Variants in CDKL5 observed in about 807,000 individuals in gnomAD.
The protein encoded by CDKL5 is cyclin-dependent kinase-like 5.
Under a neutral mutation model 61.7 loss-of-function variants are expected in CDKL5, and 8 were observed. That is an observed-to-expected ratio of 0.13 (90% confidence interval 0.08 to 0.23). CDKL5 has a LOEUF of 0.23. Ranked by LOEUF, CDKL5 falls within the 10% of genes least tolerant of loss-of-function variation. The pLI, the probability that CDKL5 is intolerant of heterozygous loss-of-function variation, is 1.00. For missense variants in CDKL5, 440 were observed against 734.5 expected (o/e 0.60, Z 4.63); for synonymous variants, 275 against 272.3 (o/e 1.01, Z -0.10).
chrX:18,580,924 T>G (rs763668742), intron 6 of CDKL5, among the ~76,000 whole-genome samples: 8 of 111,685 alleles, frequency 7.2e-5, no homozygotes, highest in Non-Finnish European at 1.3e-4. Context: ...TTGACTCTCA[T>G]AGCAGTTACC....
At position 18,588,123 on chromosome X, in the gene CDKL5, C is replaced by A. The variant is rs1161142799; in HGVS notation, c.724C>A (p.Pro242Thr). ...GCAGATGAAGCTTTTCTACAGTAATCCTCGCTTCCATGGGCTCCGGGTAAG... is the reference window on the plus strand; with the variant it reads ...GCAGATGAAGCTTTTCTACAGTAATACTCGCTTCCATGGGCTCCGGGTAAG... ...SEQMKLFYSN[P>T]RFHGLRFPAV... The change falls in exon 9 of 18, where the codon CCT (proline) becomes ACT (threonine). Residue 242 changes from proline (P) to threonine (T), a missense_variant. By Grantham distance (38) the Pro-to-Thr change is conservative. This residue lies in a region of CDKL5 where 77 missense variants were observed against 218.2 expected (regional missense o/e 0.35). Coordinates refer to ENST00000623535, the MANE Select transcript of CDKL5 (RefSeq NM_001323289.2). 4.1e-6 allele frequency: 5 copies of A among 1,209,884 alleles called. No individual in the cohort carries two copies. In the Admixed American group the frequency reaches 8.7e-5, roughly 21 times the overall value.
rs1927363460 is a variant in CDKL5, at chrX:18,635,596, T to C, written c.*6839T>C. 1.3e-6 allele frequency: 1 copy of C among 751,826 alleles called. No individual in the cohort carries two copies. The highest frequency in any genetic ancestry group is 8.8e-5 in the Admixed American group (1 of 11,422). The allele number at this position is 751,826 out of a possible 1,213,427, so 62.0% of individuals were successfully genotyped here. On this transcript the variant is annotated 3_prime_UTR_variant, in exon 18 of 18. Coordinates refer to ENST00000623535, the MANE Select transcript of CDKL5 (RefSeq NM_001323289.2). ...AAATCCTGTAACTTAATGATGTTGA[T>C]CTTTGTTTTCCTATTTATAAAGCTT...
intron 11 of CDKL5, among the ~76,000 whole-genome samples, chrX:18,601,910 C>T (rs904994215): frequency 3.6e-5 from 4 of 111,485 alleles, no homozygotes; most frequent in Admixed American, 1.9e-4. Context: ...TATCTGTCTA[C>T]GATTACTATT....
At chrX:18,465,440 C>T (rs1282709972) in intron 1 of CDKL5, among the ~76,000 whole-genome samples, 1 of 111,048 alleles carries the variant, frequency 9.0e-6, no homozygotes, top group Non-Finnish European at 1.9e-5. Context: ...CCGAGGTGGG[C>T]GGATCACTTG....
chrX:18,483,409 C>T (rs1921660304), intron 1 of CDKL5, among the ~76,000 whole-genome samples: 1 of 110,798 alleles, frequency 9.0e-6, no homozygotes, highest in Non-Finnish European at 1.9e-5. Context: ...AGTGCATGGA[C>T]TGCTTGTTCA....
At chrX:18,486,189 T>C (rs1209851261) in intron 1 of CDKL5, among the ~76,000 whole-genome samples, 1 of 112,110 alleles carries the variant, frequency 8.9e-6, no homozygotes, top group Non-Finnish European at 1.9e-5. Flanking sequence ...GCACAAACTT[T>C]TCATAGAATG....
At chrX:18,597,390 G>T (rs777596942) in intron 10 of CDKL5, among the ~76,000 whole-genome samples, 23 of 109,191 alleles carry the variant, frequency 2.1e-4, no homozygotes, top group Admixed American at 9.9e-4. Flanking sequence ...ATTTAGTGGG[G>T]GTACAGGTCA....
At chrX:18,607,956 GT>G (rs1926417994) in intron 12 of CDKL5, among the ~76,000 whole-genome samples, 1 of 112,029 alleles carries the variant, frequency 8.9e-6, no homozygotes, top group African/African-American at 3.2e-5. Context: ...TAAATAAAAT[GT>G]TTTTGATATG....
chrX:18,439,269 C>T lies in CDKL5; in HGVS notation c.-163+13574C>T, dbSNP rs776950879. 1.1e-4 allele frequency among the ~76,000 whole-genome samples: 12 copies of T among 109,628 alleles called. No individual in the cohort carries two copies. The Admixed American group carries it at 1.2e-3, about 11-fold the overall frequency. ...TGTGGGGCTCCAGAATCTTTTCTAC[C>T]AACATTTATGGTATGGCAGATGAAG... is the stretch of plus-strand genomic sequence containing the variant. On this transcript the variant is annotated intron_variant, in intron 1 of 17. Coordinates refer to ENST00000623535, the MANE Select transcript of CDKL5 (RefSeq NM_001323289.2).
intron 3 of CDKL5, among the ~76,000 whole-genome samples, chrX:18,543,885 C>T (rs1191369813): frequency 8.9e-6 from 1 of 111,909 alleles, no homozygotes; most frequent in Non-Finnish European, 1.9e-5. Context: ...GGAGTTTCCT[C>T]CCCTCTCATT....
rs149995565 is a variant in CDKL5, at chrX:18,570,590, A to G, written c.146-4764A>G. Among the ~76,000 whole-genome samples, 589 of 111,313 alleles carry G rather than the reference A, an allele frequency of 5.3e-3. 3 individuals carry two copies. Among genetic ancestry groups the G allele is most frequent in the African/African-American group, 0.019 (575 of 30,632 alleles). On this transcript the variant is annotated intron_variant, in intron 4 of 17. Transcript: ENST00000623535. ...TTTTCTTTATCAGTTTATCTGTGTAAAGGTCCATTTGGGGTGGGGGGCTCT... is the reference window on the plus strand; with the variant it reads ...TTTTCTTTATCAGTTTATCTGTGTAGAGGTCCATTTGGGGTGGGGGGCTCT...
chrX:18,634,879 G>A lies in CDKL5; in HGVS notation c.*6122G>A. The A allele has an allele frequency of 1.3e-6, 1 of 750,809 alleles. No individual in the cohort carries two copies. The highest frequency in any genetic ancestry group is 2.3e-5 in the African/African-American group (1 of 42,862). 61.9% of individuals were successfully genotyped at this position (750,809 alleles called of 1,213,427 possible). A position where few individuals can be genotyped will look rare whatever the true frequency, so the allele number is the denominator to read the frequency against. ...TCAATCTCTAGTAAGCTTGAAGGTG[G>A]TGTCTGGGAAGACACAGGGCAGGGT... On this transcript the variant is annotated 3_prime_UTR_variant, in exon 18 of 18. Coordinates refer to ENST00000623535, the MANE Select transcript of CDKL5 (RefSeq NM_001323289.2).
In CDKL5 at chrX:18,634,623, C is replaced by T. The variant is rs960634736; in HGVS notation, c.*5866C>T. The T allele has an allele frequency of 1.9e-5, 14 of 751,994 alleles. No homozygotes were observed. The South Asian group carries it at 5.5e-4, about 29-fold the overall frequency. The allele number at this position is 751,994 out of a possible 1,213,427, so 62.0% of individuals were successfully genotyped here. On this transcript the variant is annotated 3_prime_UTR_variant, in exon 18 of 18. Transcript: ENST00000623535. ...AGAGACACACAATGATTCTGGCCCT[C>T]AGTCTGTTTCCCTCCCCTTGTTTAC... is the stretch of plus-strand genomic sequence containing the variant.
At chrX:18,504,035 C>T (rs914432353) in intron 1 of CDKL5, among the ~76,000 whole-genome samples, 2 of 111,180 alleles carry the variant, frequency 1.8e-5, no homozygotes, top group African/African-American at 6.5e-5. Context: ...ATTATGGACA[C>T]GAGCCACTGT....
exon 22 of CDKL5, chrX:18,653,546 T>C (rs1928141641): frequency 8.3e-7 from 1 of 1,209,897 alleles, no homozygotes; most frequent in African/African-American, 1.7e-5. Context: ...GGCAAGTGAC[T>C]TCTGCAAGCC....
intron 1 of CDKL5, among the ~76,000 whole-genome samples, chrX:18,499,177 A>G (rs1362599242): frequency 1.8e-5 from 2 of 111,811 alleles, no homozygotes; most frequent in African/African-American, 3.2e-5. Flanking sequence ...GTTCTTTGCT[A>G]TAGTTGATAT....
At chrX:18,650,890 G>T (rs1928000477) in intron 21 of CDKL5, among the ~76,000 whole-genome samples, 1 of 112,300 alleles carries the variant, frequency 8.9e-6, no homozygotes, top group Non-Finnish European at 1.9e-5. Flanking sequence ...TGTAGTACCT[G>T]TCTTCATAAA....
intron 3 of CDKL5, among the ~76,000 whole-genome samples, chrX:18,520,469 C>T (rs1312569438): frequency 3.6e-5 from 4 of 111,757 alleles, no homozygotes; most frequent in South Asian, 3.7e-4. Flanking sequence ...TATACCTCAT[C>T]GTGTTTATCT....
At chrX:18,447,486 G>A (rs1468670583) in intron 1 of CDKL5, among the ~76,000 whole-genome samples, 2 of 110,811 alleles carry the variant, frequency 1.8e-5, no homozygotes, top group South Asian at 7.6e-4. Context: ...CACCCCCACC[G>A]CTGCTTAAAC....
Sources: gnomAD v4.1 joint callset for allele counts (sites outside exome capture counted in the v4.1 genomes callset) on GRCh38, gnomAD v4.1.1 for gene constraint, gnomAD v4.1.1 regional missense constraint, MANE v1.5 for transcripts, NCBI Gene and HGNC (gene_info 2026-07-23, HGNC 2026-07-21) for gene names.